The following XKR4 variants were observed in gnomAD, a reference collection of about 807,000 sequenced individuals.
The protein encoded by XKR4 is XK related 4.
A neutral mutation model predicts 53.9 loss-of-function variants in XKR4; 12 were observed. The observed-to-expected ratio is 0.22, with a 90% CI of 0.14 to 0.36. The LOEUF is 0.36. XKR4 is among the 10% of genes least tolerant of loss of function. The probability of loss-of-function intolerance (pLI) is 1.00; values close to 1 mark genes in which losing one functional copy is unlikely to be tolerated. For synonymous variants in XKR4, 354 were observed against 362.4 expected (o/e 0.98, Z 0.26); for missense variants, 799 against 859.5 (o/e 0.93, Z 0.88).
chr8:55,458,702 T>C (rs769189870), intron 2 of XKR4, among the ~76,000 whole-genome samples: 2 of 152,224 alleles, frequency 1.3e-5, no homozygotes, highest in Non-Finnish European at 2.9e-5. Flanking sequence ...AGACAAACTC[T>C]TCTCTGAGGT....
intron 2 of XKR4, among the ~76,000 whole-genome samples, chr8:55,372,562 T>C (rs191968570): frequency 7.2e-5 from 11 of 151,926 alleles, no homozygotes; most frequent in African/African-American, 2.7e-4. Flanking sequence ...TTTTTTTTTT[T>C]TCTAGAAAGC....
At chr8:55,381,419 G>C (rs994729104) in intron 2 of XKR4, among the ~76,000 whole-genome samples, 7 of 152,214 alleles carry the variant, frequency 4.6e-5, no homozygotes, top group Non-Finnish European at 7.3e-5. Flanking sequence ...TAGGCTGTCT[G>C]CAAGCTGAAG....
chr8:55,496,182 G>A (rs1175137037), intron 2 of XKR4, among the ~76,000 whole-genome samples: 2 of 152,300 alleles, frequency 1.3e-5, no homozygotes, highest in Non-Finnish European at 2.9e-5. Context: ...ACTGAGTGGA[G>A]GGAGCTGTTC....
chr8:55,333,358 A>G (rs1326327436), intron 1 of XKR4, among the ~76,000 whole-genome samples: 1 of 152,036 alleles, frequency 6.6e-6, no homozygotes, highest in Non-Finnish European at 1.5e-5. Context: ...ATCTTTGCAA[A>G]CTGGCTCTAT....
At chr8:55,500,193 A>AC (rs1178900584) in intron 2 of XKR4, among the ~76,000 whole-genome samples, 10 of 147,974 alleles carry the variant, frequency 6.8e-5, no homozygotes, top group African/African-American at 2.5e-4. Flanking sequence ...AAAAAAAAAA[A>AC]AAAAAAAAAA....
At chr8:55,194,225 C>T (rs1369421234) in intron 1 of XKR4, among the ~76,000 whole-genome samples, 1 of 152,168 alleles carries the variant, frequency 6.6e-6, no homozygotes, top group Non-Finnish European at 1.5e-5. Context: ...TGTGGCGCTG[C>T]CAGCAACCAC....
rs183258291 is a variant in XKR4 at position 55,154,392 on chromosome 8, C to T, written c.806+51098C>T. ...CATATAATATCAATCATATGTTTTA[C>T]AAACTTGAAGCCTAGCGAGAGTTGA... On this transcript the variant is annotated intron_variant, in intron 1 of 2. Transcript: ENST00000327381. Among the ~76,000 whole-genome samples, 211 of 152,268 alleles carry T rather than the reference C, an allele frequency of 1.4e-3. 4 individuals are homozygous for T. Among genetic ancestry groups the T allele is most frequent in the Non-Finnish European group, 3.5e-4 (24 of 68,018 alleles).
intron 2 of XKR4, among the ~76,000 whole-genome samples, chr8:55,479,011 G>A (rs955257735): frequency 6.6e-6 from 1 of 151,954 alleles, no homozygotes; most frequent in Non-Finnish European, 1.5e-5. Flanking sequence ...AGTTAACAAG[G>A]ATACCCAGGA....
At chr8:55,209,475 C>T (rs965030822) in intron 1 of XKR4, among the ~76,000 whole-genome samples, 5 of 152,290 alleles carry the variant, frequency 3.3e-5, no homozygotes, top group African/African-American at 1.2e-4. Flanking sequence ...GTGCATCCTC[C>T]ACCTGATTTT....
At chr8:55,325,729 G>C (rs1419599216) in intron 1 of XKR4, among the ~76,000 whole-genome samples, 1 of 152,158 alleles carries the variant, frequency 6.6e-6, no homozygotes, top group Non-Finnish European at 1.5e-5. Context: ...CCCCATCATT[G>C]TTAGACATAA....
At chr8:55,425,800 T>C (rs1805003897) in intron 2 of XKR4, among the ~76,000 whole-genome samples, 1 of 152,198 alleles carries the variant, frequency 6.6e-6, no homozygotes, top group Admixed American at 6.5e-5. Context: ...CAGCTGATCC[T>C]CTGTAACAGC....
At chr8:55,224,420 G>A (rs1025206654) in intron 1 of XKR4, among the ~76,000 whole-genome samples, 1 of 152,148 alleles carries the variant, frequency 6.6e-6, no homozygotes, top group Non-Finnish European at 1.5e-5. Context: ...ATTAAATGAT[G>A]TTTGGCTCTT....
chr8:55,251,068 T>A (rs374125245), intron 1 of XKR4, among the ~76,000 whole-genome samples: 2 of 152,198 alleles, frequency 1.3e-5, no homozygotes, highest in East Asian at 1.9e-4. Context: ...CGTATAGATA[T>A]ATGTGTGGTA....
At chr8:55,513,711 C>T (rs1376861240) in intron 2 of XKR4, among the ~76,000 whole-genome samples, 1 of 152,202 alleles carries the variant, frequency 6.6e-6, no homozygotes, top group Admixed American at 6.5e-5. Context: ...GGCTGGCCAC[C>T]GTGCCTCTGG....
intron 2 of XKR4, among the ~76,000 whole-genome samples, chr8:55,478,371 G>C (rs969656321): frequency 3.9e-5 from 6 of 151,914 alleles, no homozygotes; most frequent in Non-Finnish European, 4.4e-5. Flanking sequence ...TCACCACCAG[G>C]CCTGCCCTAA....
chr8:55,414,826 T>C (rs1804822147), intron 2 of XKR4, among the ~76,000 whole-genome samples: 1 of 152,220 alleles, frequency 6.6e-6, no homozygotes, highest in Non-Finnish European at 1.5e-5. Context: ...ACAAGAGTGC[T>C]GTGTGTCTCT....
At chr8:55,424,430 T>G (rs1804982036) in intron 2 of XKR4, among the ~76,000 whole-genome samples, 1 of 152,222 alleles carries the variant, frequency 6.6e-6, no homozygotes, top group Admixed American at 6.5e-5. Flanking sequence ...GGTACTATCA[T>G]TATGCACATT....
chr8:55,536,499 G>C lies in XKR4; in HGVS notation c.*12272G>C, dbSNP rs928652729. On this transcript the variant is annotated 3_prime_UTR_variant, in exon 3 of 3. Coordinates refer to ENST00000327381, the MANE Select transcript of XKR4 (RefSeq NM_052898.2). ...GTAGATCACTCAAGTGGTAAATTTG[G>C]TCTTCATGATATCAAACATACGGAT... 3.0e-4 allele frequency: 46 copies of C among 152,290 alleles called. No individual in the cohort carries two copies. The highest frequency in any genetic ancestry group is 1.1e-3 in the African/African-American group (46 of 41,558). 9.4% of individuals were successfully genotyped at this position (152,290 alleles called of 1,614,324 possible).
intron 2 of XKR4, among the ~76,000 whole-genome samples, chr8:55,505,358 A>G (rs1335729336): frequency 2.0e-5 from 3 of 152,176 alleles, no homozygotes. Context: ...CCTGGGCAAC[A>G]TAGCAAGACT....
Sources: allele counts gnomAD v4.1 joint callset (sites outside exome capture counted in the v4.1 genomes callset), GRCh38; gene constraint gnomAD v4.1.1; transcripts MANE v1.5; gene names NCBI Gene and HGNC (gene_info 2026-07-23, HGNC 2026-07-21).